The following TGFBR2 variants were observed in gnomAD, a reference collection of about 807,000 sequenced individuals.
TGFBR2 encodes TGF-beta receptor type-2.
A neutral mutation model predicts 49.0 loss-of-function variants in TGFBR2; 18 were observed. The ratio of observed to expected loss-of-function variants is 0.37; its 90% CI spans 0.25 to 0.54. The LOEUF (loss-of-function observed/expected upper bound fraction) is 0.54, where lower values mean the gene tolerates loss of function less well. TGFBR2 is among the 20% of genes least tolerant of loss of function. The pLI is 0.85. For synonymous variants in TGFBR2, 282 were observed against 275.9 expected, an observed-to-expected ratio of 1.02 and a Z score of -0.22; for missense variants, 525 against 722.6, an observed-to-expected ratio of 0.73 and a Z score of 3.13.
intron 3 of TGFBR2, among the ~76,000 whole-genome samples, chr3:30,659,410 A>G (rs908116292): frequency 2.6e-5 from 4 of 152,164 alleles, no homozygotes; most frequent in South Asian, 2.1e-4. Flanking sequence ...GAATTCATCA[A>G]TATGGCCCTA....
chr3:30,633,916 C>T (rs536639070), intron 1 of TGFBR2, among the ~76,000 whole-genome samples: 248 of 152,268 alleles, frequency 1.6e-3, no homozygotes, highest in Non-Finnish European at 2.7e-3. Flanking sequence ...AGAAACCAAG[C>T]GCCTTGGACC....
At chr3:30,667,392 G>T (rs761630705) in intron 3 of TGFBR2, among the ~76,000 whole-genome samples, 1 of 152,192 alleles carries the variant, frequency 6.6e-6, no homozygotes, top group Non-Finnish European at 1.5e-5. Flanking sequence ...CTCCTGTTTA[G>T]ATAAAGCCAC....
rs187186090 is a variant in TGFBR2 at position 30,653,023 on chromosome 3, C to A, written c.454+2563C>A. Among the ~76,000 whole-genome samples the A allele has an allele frequency of 2.9e-3, 440 of 152,208 alleles. 3 individuals are homozygous for A. Among genetic ancestry groups the A allele is most frequent in the African/African-American group, 0.01 (425 of 41,530 alleles). ...GATAATAAGCATAAAGACAATTTCT[C>A]ACTGTACAGTACAGGAAGCCTTTCA... On this transcript the variant is annotated intron_variant, in intron 3 of 6. Transcript: ENST00000295754.
chr3:30,680,804 G>C (rs1435353786), intron 5 of TGFBR2, among the ~76,000 whole-genome samples: 1 of 152,142 alleles, frequency 6.6e-6, no homozygotes, highest in African/African-American at 2.4e-5. Flanking sequence ...TCATGAAATC[G>C]CCATTCAGCA....
intron 6 of TGFBR2, among the ~76,000 whole-genome samples, chr3:30,689,636 G>A (rs554119856): frequency 6.6e-6 from 1 of 152,290 alleles, no homozygotes; most frequent in Non-Finnish European, 1.5e-5. Context: ...ACCAGGCTGT[G>A]GTGGGTCACA....
intron 1 of TGFBR2, among the ~76,000 whole-genome samples, chr3:30,643,615 G>A (rs910222075): frequency 6.6e-6 from 1 of 152,116 alleles, no homozygotes; most frequent in Non-Finnish European, 1.5e-5. Context: ...GGCATCAAGG[G>A]CCAAACATGG....
chr3:30,682,280 T>C lies in TGFBR2; in HGVS notation c.1397-6104T>C, dbSNP rs868808539. Among the ~76,000 whole-genome samples the C allele has an allele frequency of 2.0e-5, 3 of 152,360 alleles. No individual in the cohort carries two copies. In the South Asian group the frequency reaches 6.2e-4, roughly 32 times the overall value. The stretch of plus-strand genomic sequence containing the variant: ...AGGCACAAACTCTTGGCATCTCTTT[T>C]CTAAGTCCTCATATCTACTTTTTAA... On this transcript the variant is annotated intron_variant, in intron 5 of 6. Coordinates refer to ENST00000295754, the MANE Select transcript of TGFBR2 (RefSeq NM_003242.6).
chr3:30,613,380 G>T (rs80102840), intron 1 of TGFBR2, among the ~76,000 whole-genome samples: 1 of 152,052 alleles, frequency 6.6e-6, no homozygotes, highest in Non-Finnish European at 1.5e-5. Context: ...ACCCACATTC[G>T]CTGTCCAGAA....
chr3:30,609,064 A>G (rs1697986999), intron 1 of TGFBR2, among the ~76,000 whole-genome samples: 1 of 152,206 alleles, frequency 6.6e-6, no homozygotes, highest in Admixed American at 6.5e-5. Flanking sequence ...ACACTTTTAA[A>G]CAATTAGCTT....
At chr3:30,653,433 G>A (rs1369765705) in intron 3 of TGFBR2, among the ~76,000 whole-genome samples, 1 of 151,802 alleles carries the variant, frequency 6.6e-6, no homozygotes. Flanking sequence ...TATGTTTTTA[G>A]TAGAGACGGG....
At position 30,692,634 on chromosome 3, in the gene TGFBR2, A is replaced by G. The variant is rs1699736552; in HGVS notation, c.*1035A>G. Reference sequence around the variant, plus strand: ...TTGACTTGATTTTCTAGTTTTCTATACAAACACCAATGGGTTCCATCTTTC... The same window carrying G: ...TTGACTTGATTTTCTAGTTTTCTATGCAAACACCAATGGGTTCCATCTTTC... On this transcript the variant is annotated 3_prime_UTR_variant, in exon 7 of 7. Coordinates refer to ENST00000295754, the MANE Select transcript of TGFBR2 (RefSeq NM_003242.6). 8.6e-6 allele frequency: 2 copies of G among 233,064 alleles called. No individual in the cohort carries two copies. Among genetic ancestry groups the G allele is most frequent in the South Asian group, 3.6e-4 (2 of 5,526 alleles). The allele number at this position is 233,064 out of a possible 1,614,324, so 14.4% of individuals were successfully genotyped here.
At chr3:30,610,263 A>G (rs1698004215) in intron 1 of TGFBR2, among the ~76,000 whole-genome samples, 1 of 152,172 alleles carries the variant, frequency 6.6e-6, no homozygotes, top group Admixed American at 6.6e-5. Context: ...TTAACTGTTT[A>G]TATTTGAAAG....
At chr3:30,648,314 C>T (rs1429238682) in intron 2 of TGFBR2, among the ~76,000 whole-genome samples, 1 of 152,008 alleles carries the variant, frequency 6.6e-6, no homozygotes, top group Non-Finnish European at 1.5e-5. Context: ...TCTTTCATGG[C>T]TCACAGTTCC....
intron 1 of TGFBR2, among the ~76,000 whole-genome samples, chr3:30,608,290 T>C (rs1294075011): frequency 6.6e-6 from 1 of 152,210 alleles, no homozygotes; most frequent in Non-Finnish European, 1.5e-5. Flanking sequence ...GCAGCTGTGG[T>C]CTGGGTAACC....
intron 3 of TGFBR2, among the ~76,000 whole-genome samples, chr3:30,668,927 A>G (rs1047106802): frequency 1.3e-5 from 2 of 152,048 alleles, no homozygotes; most frequent in African/African-American, 2.4e-5. Flanking sequence ...TATTACACAT[A>G]AACCTTAAAA....
intron 2 of TGFBR2, among the ~76,000 whole-genome samples, chr3:30,646,216 C>T (rs112084764): frequency 5.9e-5 from 9 of 152,292 alleles, no homozygotes; most frequent in African/African-American, 1.9e-4. Context: ...AACTTCTGTA[C>T]ATACCACGGG....
At chr3:30,657,823 G>T (rs1699036123) in intron 3 of TGFBR2, among the ~76,000 whole-genome samples, 1 of 152,170 alleles carries the variant, frequency 6.6e-6, no homozygotes, top group African/African-American at 2.4e-5. Context: ...AATCAAAGTG[G>T]TATGTTTACT....
chr3:30,654,254 C>T (rs1178394991), intron 3 of TGFBR2, among the ~76,000 whole-genome samples: 3 of 152,302 alleles, frequency 2.0e-5, no homozygotes, highest in East Asian at 1.9e-4. Flanking sequence ...CAGAGGAACA[C>T]GGTAACATCT....
At chr3:30,664,355 A>C (rs1699206515) in intron 3 of TGFBR2, among the ~76,000 whole-genome samples, 1 of 152,084 alleles carries the variant, frequency 6.6e-6, no homozygotes, top group Admixed American at 6.6e-5. Flanking sequence ...TATCTCCTTA[A>C]CAATGAACTG....
Sources: allele counts gnomAD v4.1 joint callset (sites outside exome capture counted in the v4.1 genomes callset), GRCh38; gene constraint gnomAD v4.1.1; transcripts MANE v1.5; gene names NCBI Gene and HGNC (gene_info 2026-07-23, HGNC 2026-07-21).